Variants in REST observed in about 807,000 individuals in gnomAD.
REST encodes RE1-silencing transcription factor.
REST carries 1 observed loss-of-function variant against 30.4 expected under a neutral mutation model. That is an observed-to-expected ratio of 0.03 (90% CI 0.01 to 0.16). The LOEUF (loss-of-function observed/expected upper bound fraction) is 0.16, where lower values mean the gene tolerates loss of function less well. Ranked by LOEUF, REST falls within the 10% of genes least tolerant of loss-of-function variation. The probability of loss-of-function intolerance (pLI) is 1.00; values close to 1 mark genes in which losing one functional copy is unlikely to be tolerated. For synonymous variants in REST, 504 were observed against 451.1 expected, an observed-to-expected ratio of 1.12 and a Z score of -1.49; for missense variants, 1,259 against 1,329.5, an observed-to-expected ratio of 0.95 and a Z score of 0.82.
At chr4:56,915,559 T>G (rs368768943) in intron 2 of REST, among the ~76,000 whole-genome samples, 13 of 152,272 alleles carry the variant, frequency 8.5e-5, no homozygotes, top group African/African-American at 3.1e-4. Flanking sequence ...TTATTACATT[T>G]TAAAACAATT....
At position 56,934,719 on chromosome 4, in the gene REST, C is replaced by G. The variant is rs546793039; in HGVS notation, c.*2567C>G. 1.8e-4 allele frequency: 27 copies of G among 152,224 alleles called. No homozygotes were observed. Among genetic ancestry groups the G allele is most frequent in the African/African-American group, 5.5e-4 (23 of 41,532 alleles). The allele number at this position is 152,224 out of a possible 1,614,324, so 9.4% of individuals were successfully genotyped here. On this transcript the variant is annotated 3_prime_UTR_variant, in exon 4 of 4. Coordinates refer to ENST00000309042, the MANE Select transcript of REST (RefSeq NM_005612.5). ...TTTTTATTTTCTAGTCCCCCTCCCC[C>G]ACACTGGATAGAATTTAGCCTAGAA...
intron 3 of REST, among the ~76,000 whole-genome samples, chr4:56,921,903 A>C (rs1338668302): frequency 6.6e-6 from 1 of 152,238 alleles, no homozygotes; most frequent in East Asian, 1.9e-4. Context: ...TAGAAAATTT[A>C]AGATTACATG....
Position 56,913,323 on chromosome 4 carries a change from A to C in REST, c.898+1787A>C, listed in dbSNP as rs1720021691. 4.6e-5 allele frequency among the ~76,000 whole-genome samples: 7 copies of C among 152,120 alleles called. No homozygotes were observed. In the South Asian group the frequency reaches 1.4e-3, roughly 32 times the overall value. On this transcript the variant is annotated intron_variant, in intron 2 of 3. Transcript: ENST00000309042. The stretch of plus-strand genomic sequence containing the variant: ...TACAGATGTGCCCTACCACACCCTA[A>C]TTTTTTAAAATTTAAATTGGGTTTT...
At position 56,917,996 on chromosome 4, in the gene REST, G is replaced by A. The variant is rs1185973999; in HGVS notation, c.899-1791G>A. Among the ~76,000 whole-genome samples, 5 of 142,104 alleles carry A rather than the reference G, an allele frequency of 3.5e-5. 1 individual carries two copies. The highest frequency in any genetic ancestry group is 1.3e-4 in the African/African-American group (5 of 37,898). 93.2% of individuals were successfully genotyped at this position (142,104 alleles called of 152,430 possible). On this transcript the variant is annotated intron_variant, in intron 2 of 3. Transcript: ENST00000309042. ...GAACCCAGGAGGCATAGCTTGCAGT[G>A]AGCCGAGATCTCACCAGTGCACTCC...
chr4:56,913,769 C>T (rs1437880340), intron 2 of REST, among the ~76,000 whole-genome samples: 3 of 152,144 alleles, frequency 2.0e-5, no homozygotes, highest in Non-Finnish European at 4.4e-5. Flanking sequence ...ATGCCTCAGC[C>T]TCCCCAGTAG....
In REST at chr4:56,908,112, A is replaced by G. The variant is rs1400071764; in HGVS notation, c.-111A>G. On this transcript the variant is annotated 5_prime_UTR_variant, in exon 1 of 4. Coordinates refer to ENST00000309042, the MANE Select transcript of REST (RefSeq NM_005612.5). Reference sequence around the variant, plus strand: ...GACGGCCCCAGCACCCAACTTTACCACCCTCCCCCACCTCTCCCCCGAAAC... The same window carrying G: ...GACGGCCCCAGCACCCAACTTTACCGCCCTCCCCCACCTCTCCCCCGAAAC... 1 of 286,804 alleles carries G rather than the reference A, an allele frequency of 3.5e-6. No homozygotes were observed. The highest frequency in any genetic ancestry group is 6.5e-6 in the Non-Finnish European group (1 of 154,138). 17.8% of individuals were successfully genotyped at this position (286,804 alleles called of 1,614,324 possible). A position where few individuals can be genotyped will look rare whatever the true frequency, so the allele number is the denominator to read the frequency against.
intron 3 of REST, among the ~76,000 whole-genome samples, chr4:56,925,142 G>A (rs1225730122): frequency 1.4e-5 from 2 of 147,268 alleles, no homozygotes; most frequent in Non-Finnish European, 3.0e-5. Context: ...TCCAGCCTGG[G>A]CAGCTGAGCG....
rs765732930 is a variant in REST, at chr4:56,932,194, T to C, written c.*42T>C. ...GTTTCAGTTCTTAGTTTGTAAGGTA[T>C]ATTACATTTTATATTCATTTATGAT... On this transcript the variant is annotated 3_prime_UTR_variant, in exon 4 of 4. Coordinates refer to ENST00000309042, the MANE Select transcript of REST (RefSeq NM_005612.5). 7 of 1,525,244 alleles carry C rather than the reference T, an allele frequency of 4.6e-6. No homozygotes were observed. Among genetic ancestry groups the C allele is most frequent in the Non-Finnish European group, 6.2e-6 (7 of 1,134,990 alleles). 94.5% of individuals were successfully genotyped at this position (1,525,244 alleles called of 1,614,324 possible).
chr4:56,908,572 TC>T (rs1278218114), intron 1 of REST, among the ~76,000 whole-genome samples: 1 of 151,714 alleles, frequency 6.6e-6, no homozygotes, highest in Non-Finnish European at 1.5e-5. Flanking sequence ...TCCTGAAACT[TC>T]CTCTGCTTCC....
intron 3 of REST, 76 bp from the exon 4 acceptor site, chr4:56,929,765 A>G (rs997116790): frequency 6.1e-6 from 8 of 1,308,686 alleles, no homozygotes; most frequent in Middle Eastern, 2.0e-4. Context: ...GTTACTTTAC[A>G]TATACAGTTC....
intron 2 of REST, 87 bp downstream of exon 2, chr4:56,911,623 A>T (rs1719917846): frequency 5.5e-6 from 6 of 1,092,478 alleles, no homozygotes; most frequent in Non-Finnish European, 7.9e-6. Flanking sequence ...GAGAAAAAGG[A>T]CTCTGGTTCA....
In REST at chr4:56,915,307, G is replaced by A. The variant is rs574824660; in HGVS notation, c.898+3771G>A. 2.0e-3 allele frequency among the ~76,000 whole-genome samples: 289 copies of A among 143,526 alleles called. 1 individual carries two copies. Among genetic ancestry groups the A allele is most frequent in the Non-Finnish European group, 3.1e-3 (207 of 66,756 alleles). 94.2% of individuals were successfully genotyped at this position (143,526 alleles called of 152,430 possible). Reference sequence around the variant, plus strand: ...GTTGCTCAGGCTGGAGTGCAATGGCGTGATCTCTGTTCACTGCAACCTCTG... The same window carrying A: ...GTTGCTCAGGCTGGAGTGCAATGGCATGATCTCTGTTCACTGCAACCTCTG... On this transcript the variant is annotated intron_variant, in intron 2 of 3. Coordinates refer to ENST00000309042, the MANE Select transcript of REST (RefSeq NM_005612.5).
At chr4:56,920,225 T>C (rs1312015155) in intron 3 of REST, among the ~76,000 whole-genome samples, 2 of 151,876 alleles carry the variant, frequency 1.3e-5, no homozygotes, top group African/African-American at 4.8e-5. Context: ...AAGCTGAGAG[T>C]CACAACGTGT....
chr4:56,916,384 G>A (rs1320214645), intron 2 of REST, among the ~76,000 whole-genome samples: 10 of 152,178 alleles, frequency 6.6e-5, no homozygotes, highest in African/African-American at 2.4e-4. Context: ...AAAGCAGGCT[G>A]GGCGAGATGG....
At chr4:56,922,363 G>C (rs1485498656) in intron 3 of REST, 1 of 149,548 alleles carries the variant, frequency 6.7e-6, no homozygotes, top group Non-Finnish European at 1.5e-5. Context: ...GCCCAGGCTG[G>C]AATAAAATGG....
chr4:56,923,912 G>A (rs1271321967), intron 3 of REST, among the ~76,000 whole-genome samples: 1 of 151,678 alleles, frequency 6.6e-6, no homozygotes, highest in Non-Finnish European at 1.5e-5. Context: ...TAGTAGAGAC[G>A]GGGTTTCACC....
chr4:56,918,983 A>ATT (rs869154156), intron 2 of REST, among the ~76,000 whole-genome samples: 1 of 137,992 alleles, frequency 7.2e-6, no homozygotes, highest in South Asian at 2.2e-4. Context: ...AGCCCAGGCT[A>ATT]TTTTTTTTTT....
Position 56,911,535 on chromosome 4 carries a change from A to C in REST, c.897A>C (p.Thr299=). The C allele has an allele frequency of 6.2e-7, 1 of 1,606,638 alleles. No homozygotes were observed. Among genetic ancestry groups the C allele is most frequent in the Non-Finnish European group, 8.5e-7 (1 of 1,174,742 alleles). ...NNYVQHVRTH[T]GERPYKCELC... is the part of the protein sequence containing the mutation. ...ATGTTCAGCATGTTAGAACTCATAC[A>C]GGTAAGAGAAGCTTTCTAGTCCATA... The change falls in exon 2 of 4, where the codon ACA becomes ACC. Residue 299 remains threonine, a splice_region_variant and synonymous_variant. Coordinates refer to ENST00000309042, the MANE Select transcript of REST (RefSeq NM_005612.5).
chr4:56,910,829 A>G lies in REST; in HGVS notation c.191A>G (p.Asp64Gly). The change falls in exon 2 of 4, where the codon GAT (aspartate) becomes GGT (glycine). Residue 64 changes from aspartate to glycine, a missense_variant. Coordinates refer to ENST00000309042, the MANE Select transcript of REST (RefSeq NM_005612.5). ...LTGEVNGSCC[D>G]YLVGEERQMA... is the part of the protein sequence containing the mutation. ...GGGGAAGTAAATGGCAGCTGCTGTG[A>G]TTACCTGGTCGGTGAAGAAAGACAG... The G allele has an allele frequency of 6.2e-7, 1 of 1,614,196 alleles. No individual in the cohort carries two copies.
Sources: allele counts gnomAD v4.1 joint callset (sites outside exome capture counted in the v4.1 genomes callset), GRCh38; gene constraint gnomAD v4.1.1; transcripts MANE v1.5; gene names NCBI Gene and HGNC (gene_info 2026-07-23, HGNC 2026-07-21).